Variants in RPA1 observed in about 807,000 individuals in gnomAD.
RPA1 encodes replication protein A1, also known as replication protein A 70 kDa DNA-binding subunit.
Under a neutral mutation model 83.0 loss-of-function variants are expected in RPA1, and 49 were observed. The ratio of observed to expected loss-of-function variants is 0.59; its 90% CI spans 0.47 to 0.75. The LOEUF (loss-of-function observed/expected upper bound fraction) is 0.75. Ranked by LOEUF, RPA1 falls within the 30% of genes least tolerant of loss-of-function variation. The probability of loss-of-function intolerance (pLI) is 0.00; values close to 1 mark genes in which losing one functional copy is unlikely to be tolerated. For synonymous variants in RPA1, 279 were observed against 281.8 expected (o/e 0.99, Z 0.10); for missense variants, 693 against 776.1 (o/e 0.89, Z 1.27).
At chr17:1,839,357 AGCTCTGTCGCCAG>A (rs1410483472) in intron 1 of RPA1, among the ~76,000 whole-genome samples, 2 of 150,692 alleles carry the variant, frequency 1.3e-5, no homozygotes, top group Non-Finnish European at 3.0e-5. Flanking sequence ...GATGGAGTCT[AGCTCTGTCGCCAG>A]GCTGGAGTGC....
rs1457175505 is a variant in RPA1 at position 1,888,901 on chromosome 17, C to G, written c.1551+50C>G. 4 of 1,570,414 alleles carry G rather than the reference C, an allele frequency of 2.5e-6. No homozygotes were observed. In the South Asian group the frequency reaches 4.7e-5, roughly 18 times the overall value. ...CCACGGTTGTGTTCACGGAGGCCCTCCCGTGTGCCAGGCACTGTGGTCACA... is the reference window on the plus strand; with the variant it reads ...CCACGGTTGTGTTCACGGAGGCCCTGCCGTGTGCCAGGCACTGTGGTCACA... On this transcript the variant is annotated intron_variant, in intron 14 of 16. Coordinates refer to ENST00000254719, the MANE Select transcript of RPA1 (RefSeq NM_002945.5).
intron 12 of RPA1, 58 bp from the exon 13 acceptor site, chr17:1,883,754 G>A: frequency 6.2e-7 from 1 of 1,606,710 alleles, no homozygotes; most frequent in Non-Finnish European, 8.5e-7. Context: ...GTTGCATGTG[G>A]AGAAGCAGAA....
At chr17:1,865,727 C>T (rs11653938) in intron 5 of RPA1, among the ~76,000 whole-genome samples, 48,018 of 151,970 alleles carry the variant, frequency 0.32, 9,797 homozygotes, top group Non-Finnish European at 0.47. Flanking sequence ...ATTCTCGTTC[C>T]GTACTCCACT....
Position 1,897,060 on chromosome 17 carries a change from C to A in RPA1, c.1747-11C>A. ...TTTCACTGCTCACAAACTACTTCTC[C>A]CTTTTTGAAGGACGAGTCTCGAATT... On this transcript the variant is annotated splice_polypyrimidine_tract_variant and intron_variant, in intron 16 of 16. Transcript: ENST00000254719. 6.4e-7 allele frequency: 1 copy of A among 1,560,244 alleles called. No individual in the cohort carries two copies. Among genetic ancestry groups the A allele is most frequent in the East Asian group, 2.4e-5 (1 of 41,632 alleles).
intron 7 of RPA1, 112 bp from the exon 8 acceptor site, chr17:1,877,100 A>G (rs1913599536): frequency 3.2e-6 from 3 of 933,520 alleles, no homozygotes; most frequent in East Asian, 2.6e-5. Flanking sequence ...ATTAAAATAC[A>G]GGTTGGAAAA....
chr17:1,841,232 T>TA lies in RPA1; in HGVS notation c.34-1570dup, dbSNP rs544337586. 2.3e-3 allele frequency among the ~76,000 whole-genome samples: 354 copies of TA among 152,322 alleles called. 3 individuals carry two copies. The highest frequency in any genetic ancestry group is 8.0e-3 in the African/African-American group (332 of 41,582). ...AAATCAACTTACTAGTTTTTATAGA[T>TA]ACCTTAGGATTTTCTATGTAAACGA... On this transcript the variant is annotated intron_variant, in intron 1 of 16. Coordinates refer to ENST00000254719, the MANE Select transcript of RPA1 (RefSeq NM_002945.5).
At chr17:1,867,929 AC>A (rs1461972917) in intron 5 of RPA1, among the ~76,000 whole-genome samples, 3 of 151,938 alleles carry the variant, frequency 2.0e-5, no homozygotes, top group African/African-American at 7.3e-5. Flanking sequence ...AAAAAAAAAT[AC>A]AAAAAATAAT....
intron 5 of RPA1, chr17:1,854,198 A>C (rs1467892668): frequency 6.6e-6 from 1 of 152,208 alleles, no homozygotes; most frequent in Non-Finnish European, 1.5e-5. Flanking sequence ...AGAATCTTCA[A>C]ATCACTGGCC....
chr17:1,849,651 G>T lies in RPA1; in HGVS notation c.273-3450G>T, dbSNP rs180747771. Among the ~76,000 whole-genome samples the T allele has an allele frequency of 3.6e-3, 544 of 150,894 alleles. 7 individuals carry two copies. The South Asian group carries it at 0.043, about 12-fold the overall frequency. On this transcript the variant is annotated intron_variant, in intron 4 of 16. Coordinates refer to ENST00000254719, the MANE Select transcript of RPA1 (RefSeq NM_002945.5). ...TTTTTTTAATTTTACTGTATTGACA[G>T]CGCTGTCAAAACTTTGTTGGACGAT...
rs761567513 is a variant in RPA1 at position 1,877,253 on chromosome 17, G to A, written c.629G>A (p.Arg210His). Residue 210 changes from arginine to histidine, a missense_variant, in exon 8 of 17, where the codon CGT becomes CAT. Arg to His is a conservative substitution (Grantham distance 29). Transcript: ENST00000254719. ...CGTGTTACCAACAAAAGTCAGATCCGTACCTGGAGCAACTCCCGAGGGGAA... is the reference window on the plus strand; with the variant it reads ...CGTGTTACCAACAAAAGTCAGATCCATACCTGGAGCAACTCCCGAGGGGAA... The part of the protein sequence containing the change: ...CARVTNKSQI[R>H]TWSNSRGEGK... 1.7e-5 allele frequency: 27 copies of A among 1,614,078 alleles called. No individual in the cohort carries two copies. The highest frequency in any genetic ancestry group is 4.0e-5 in the African/African-American group (3 of 74,934).
intron 6 of RPA1, among the ~76,000 whole-genome samples, chr17:1,873,008 C>G (rs1189834299): frequency 1.3e-5 from 2 of 152,106 alleles, no homozygotes; most frequent in African/African-American, 4.8e-5. Context: ...AACAGCCAGA[C>G]TTTTAAAAAA....
At chr17:1,869,754 G>A (rs1277440840) in intron 5 of RPA1, among the ~76,000 whole-genome samples, 2 of 152,272 alleles carry the variant, frequency 1.3e-5, no homozygotes, top group African/African-American at 2.4e-5. Context: ...TTACTTAGCT[G>A]TAGACTGATT....
chr17:1,849,282 G>A (rs1234872754), intron 4 of RPA1, among the ~76,000 whole-genome samples: 2 of 141,066 alleles, frequency 1.4e-5, no homozygotes, highest in Admixed American at 7.5e-5. Flanking sequence ...AATTTTTGTT[G>A]GCTGTTCTTT....
chr17:1,868,214 G>A (rs1193780136), intron 5 of RPA1, among the ~76,000 whole-genome samples: 1 of 152,192 alleles, frequency 6.6e-6, no homozygotes, highest in Non-Finnish European at 1.5e-5. Flanking sequence ...TGCTGTTCAG[G>A]ATTACTTACT....
At chr17:1,863,878 A>G (rs1253701923) in intron 5 of RPA1, among the ~76,000 whole-genome samples, 4 of 152,356 alleles carry the variant, frequency 2.6e-5, no homozygotes, top group Non-Finnish European at 5.9e-5. Flanking sequence ...ATGGTCAATC[A>G]TGAATATTTG....
Position 1,879,399 on chromosome 17 carries a change from C to G in RPA1, c.944C>G (p.Ser315Ter). The change falls in exon 10 of 17, where the codon TCA (serine) becomes TGA (stop). Residue 315 changes from serine (S) to a stop codon, truncating the protein, a stop_gained. Coordinates refer to ENST00000254719, the MANE Select transcript of RPA1 (RefSeq NM_002945.5). LOFTEE classifies it high-confidence loss of function. ...GACCTCGAGAACAAGTCGAAAGACT[C>G]ACTTGTAGGTAAGCTCGTGTATGAG... ...IDDLENKSKD[S>*]LVDIIGICKS... 6.2e-7 allele frequency: 1 copy of G among 1,614,060 alleles called. No individual in the cohort carries two copies. Among genetic ancestry groups the G allele is most frequent in the Non-Finnish European group, 8.5e-7 (1 of 1,179,966 alleles).
At position 1,874,032 on chromosome 17, in the gene RPA1, T is replaced by TAC. The variant is rs67199303; in HGVS notation, c.454+1537_454+1538dup. On this transcript the variant is annotated intron_variant, in intron 6 of 16. Coordinates refer to ENST00000254719, the MANE Select transcript of RPA1 (RefSeq NM_002945.5). Reference sequence around the variant, plus strand: ...AAAAAAATATATATATATATATATATACACACACACACACACACACACACA... The same window carrying TAC: ...AAAAAAATATATATATATATATATATACACACACACACACACACACACACACA... Among the ~76,000 whole-genome samples the TAC allele has an allele frequency of 5.9e-3, 464 of 79,130 alleles. 5 individuals carry two copies. The highest frequency in any genetic ancestry group is 0.024 in the South Asian group (50 of 2,104). The allele number at this position is 79,130 out of a possible 152,430, so 51.9% of individuals were successfully genotyped here.
chr17:1,872,204 C>A (rs963433440), intron 5 of RPA1: 2 of 573,758 alleles, frequency 3.5e-6, no homozygotes, highest in Non-Finnish European at 6.2e-6. Context: ...GCTATCAATT[C>A]TAAGCAGGTG....
chr17:1,890,194 A>G (rs1000058811), intron 14 of RPA1, among the ~76,000 whole-genome samples: 1 of 151,486 alleles, frequency 6.6e-6, no homozygotes, highest in Admixed American at 6.6e-5. Flanking sequence ...ACATGGCAAG[A>G]CCCTGTCTCT....
Sources: gnomAD v4.1 joint callset for allele counts (sites outside exome capture counted in the v4.1 genomes callset) on GRCh38, gnomAD v4.1.1 for gene constraint, MANE v1.5 for transcripts, NCBI Gene and HGNC (gene_info 2026-07-23, HGNC 2026-07-21) for gene names.